Variants in PDE4D observed in about 807,000 individuals in gnomAD.
PDE4D encodes the protein phosphodiesterase 4D.
In PDE4D, 24 loss-of-function variants were observed where a neutral mutation model predicts 87.4. The observed-to-expected ratio is 0.27, with a 90% CI of 0.20 to 0.39. The LOEUF is 0.39. PDE4D is among the 10% of genes least tolerant of loss of function. The pLI, the probability that PDE4D is intolerant of heterozygous loss-of-function variation, is 1.00. For synonymous variants in PDE4D, 384 were observed against 383.2 expected (o/e 1.00, Z -0.02); for missense variants, 714 against 1,041.0 (o/e 0.69, Z 4.32).
chr5:59,808,874 C>T (rs1281011497), intron 1 of PDE4D, among the ~76,000 whole-genome samples: 1 of 152,122 alleles, frequency 6.6e-6, no homozygotes, highest in East Asian at 1.9e-4. Context: ...CAGCCAAGGA[C>T]AGCTAGCACC....
chr5:59,768,634 C>T, intron 1 of PDE4D: 1 of 1,527,480 alleles, frequency 6.5e-7, no homozygotes, highest in African/African-American at 1.4e-5. Context: ...AGTCGCCTGC[C>T]TCAGTCTCTC....
Position 59,777,192 on chromosome 5 carries a change from C to T in PDE4D, c.455+115976G>A, listed in dbSNP as rs1165206988. On this transcript the variant is annotated intron_variant, in intron 1 of 14. Transcript: ENST00000340635. Reference sequence around the variant, plus strand: ...CTTCCAGCAGAATGATGACTTAGTTCGGGTACTGGCTGCCCTGGTAACAGC... The same window carrying T: ...CTTCCAGCAGAATGATGACTTAGTTTGGGTACTGGCTGCCCTGGTAACAGC... 4.6e-5 allele frequency among the ~76,000 whole-genome samples: 7 copies of T among 152,256 alleles called. 1 individual carries two copies. The highest frequency in any genetic ancestry group is 4.1e-4 in the South Asian group (2 of 4,822).
At chr5:59,511,745 A>G (rs1029183024) in intron 1 of PDE4D, among the ~76,000 whole-genome samples, 6 of 152,132 alleles carry the variant, frequency 3.9e-5, no homozygotes, top group Admixed American at 1.3e-4. Flanking sequence ...ACAGGTTACA[A>G]GGAAGTACCT....
intron 1 of PDE4D, among the ~76,000 whole-genome samples, chr5:59,340,879 G>C (rs950969998): frequency 7.9e-5 from 12 of 152,058 alleles, no homozygotes; most frequent in African/African-American, 2.9e-4. Context: ...TTTTGTGGCT[G>C]AATAGTACTC....
chr5:59,350,612 C>T (rs1394086906), intron 1 of PDE4D, among the ~76,000 whole-genome samples: 3 of 152,168 alleles, frequency 2.0e-5, no homozygotes, highest in Non-Finnish European at 2.9e-5. Context: ...ATATGTACCA[C>T]ACACTCTTCC....
chr5:59,474,335 C>T (rs1485269991), intron 1 of PDE4D, among the ~76,000 whole-genome samples: 1 of 152,114 alleles, frequency 6.6e-6, no homozygotes, highest in Non-Finnish European at 1.5e-5. Context: ...TTCTGCTTAA[C>T]ATCAATCAAA....
chr5:60,071,771 T>C (rs1280292047), intron 2 of PDE4D, among the ~76,000 whole-genome samples: 1 of 152,180 alleles, frequency 6.6e-6, no homozygotes, highest in African/African-American at 2.4e-5. Flanking sequence ...AAATGCAGTA[T>C]TTCATTTTCT....
chr5:59,868,193 G>A (rs1467764828), intron 1 of PDE4D, among the ~76,000 whole-genome samples: 1 of 151,640 alleles, frequency 6.6e-6, no homozygotes, highest in Non-Finnish European at 1.5e-5. Flanking sequence ...TTGTTTATGT[G>A]GAATATTTGC....
At chr5:59,693,177 GA>G (rs999251677) in intron 1 of PDE4D, among the ~76,000 whole-genome samples, 1 of 151,326 alleles carries the variant, frequency 6.6e-6, no homozygotes, top group African/African-American at 2.4e-5. Context: ...ATAACTGAAG[GA>G]AAAAAATAGT....
chr5:59,305,890 T>C (rs1771238332), intron 1 of PDE4D, among the ~76,000 whole-genome samples: 1 of 152,104 alleles, frequency 6.6e-6, no homozygotes, highest in East Asian at 1.9e-4. Flanking sequence ...GTTCTGTATA[T>C]ATCTGTTAAG....
At chr5:59,718,414 C>T (rs1383525829) in intron 1 of PDE4D, among the ~76,000 whole-genome samples, 7 of 152,156 alleles carry the variant, frequency 4.6e-5, no homozygotes, top group African/African-American at 1.7e-4. Context: ...ATTTTTAAAA[C>T]ACTCTAAATA....
chr5:60,087,860 G>A (rs1225266532), intron 2 of PDE4D, among the ~76,000 whole-genome samples: 1 of 152,068 alleles, frequency 6.6e-6, no homozygotes, highest in African/African-American at 2.4e-5. Context: ...TGAAATTTCT[G>A]AAATCTGGAG....
At chr5:59,127,322 A>T (rs1165074091) in intron 5 of PDE4D, among the ~76,000 whole-genome samples, 1 of 152,192 alleles carries the variant, frequency 6.6e-6, no homozygotes, top group Non-Finnish European at 1.5e-5. Context: ...TGATTCTCAG[A>T]GGCTTATGTG....
At chr5:59,383,549 T>C (rs185877305) in intron 1 of PDE4D, among the ~76,000 whole-genome samples, 70 of 152,318 alleles carry the variant, frequency 4.6e-4, no homozygotes, top group Non-Finnish European at 6.6e-4. Flanking sequence ...ATTTATTTAC[T>C]ATGCTTACTG....
At chr5:59,410,541 C>T (rs1376331681) in intron 1 of PDE4D, among the ~76,000 whole-genome samples, 1 of 152,194 alleles carries the variant, frequency 6.6e-6, no homozygotes, top group Non-Finnish European at 1.5e-5. Context: ...GCCCCTGAAC[C>T]TGGCAAGTTC....
At chr5:60,366,266 C>G (rs10461452) in intron 1 of PDE4D, among the ~76,000 whole-genome samples, 15,543 of 151,820 alleles carry the variant, frequency 0.1, 988 homozygotes, top group South Asian at 0.29. Flanking sequence ...GTTTTTATAT[C>G]TAAGCTAAGC....
At chr5:60,247,731 TCA>T (rs904141300) in intron 1 of PDE4D, among the ~76,000 whole-genome samples, 6 of 151,376 alleles carry the variant, frequency 4.0e-5, no homozygotes, top group South Asian at 2.1e-4. Flanking sequence ...TCCCTCTCTC[TCA>T]CACACACACA....
At chr5:60,247,775 A>G (rs548160489) in intron 1 of PDE4D, among the ~76,000 whole-genome samples, 4 of 151,922 alleles carry the variant, frequency 2.6e-5, no homozygotes, top group South Asian at 4.2e-4. Flanking sequence ...GAGAGAGATC[A>G]TTTTTCATAT....
At position 59,363,247 on chromosome 5, in the gene PDE4D, G is replaced by A. The variant is rs533294710; in HGVS notation, c.456-147279C>T. On this transcript the variant is annotated intron_variant, in intron 1 of 14. Transcript: ENST00000340635. ...AGGGTAACTAACATGAAAGTGTTCT[G>A]AAGACTCTGCACAGAATTTTAGGGT... is the stretch of plus-strand genomic sequence containing the variant. Among the ~76,000 whole-genome samples, 8 of 152,278 alleles carry A rather than the reference G, an allele frequency of 5.3e-5. 1 individual carries two copies. Among genetic ancestry groups the A allele is most frequent in the Admixed American group, 4.6e-4 (7 of 15,294 alleles).
Sources: gnomAD v4.1 joint callset for allele counts (sites outside exome capture counted in the v4.1 genomes callset) on GRCh38, gnomAD v4.1.1 for gene constraint, MANE v1.5 for transcripts, NCBI Gene and HGNC (gene_info 2026-07-23, HGNC 2026-07-21) for gene names.